TMEM74: variants seen among roughly 807,000 people sequenced by gnomAD.
TMEM74 encodes the protein transmembrane protein 74.
TMEM74 carries 13 observed loss-of-function variants against 18.1 expected under a neutral mutation model. The observed-to-expected ratio is 0.72, with a 90% CI of 0.47 to 1.14. The LOEUF (loss-of-function observed/expected upper bound fraction) is 1.14, where lower values mean the gene tolerates loss of function less well. TMEM74 is among the 50% of genes most tolerant of loss of function. TMEM74 has a pLI of 0.00. For synonymous variants in TMEM74, 159 were observed against 146.6 expected (o/e 1.08, Z -0.61); for missense variants, 372 against 375.9 (o/e 0.99, Z 0.09).
At chr8:108,683,056 TA>T (rs1363580348) in intron 1 of TMEM74, among the ~76,000 whole-genome samples, 1 of 151,566 alleles carries the variant, frequency 6.6e-6, no homozygotes, top group Non-Finnish European at 1.5e-5. Flanking sequence ...AAAATAATAA[TA>T]AAAAACAAAT....
intron 1 of TMEM74, among the ~76,000 whole-genome samples, chr8:108,693,042 A>T (rs976704610): frequency 2.6e-5 from 4 of 152,176 alleles, no homozygotes; most frequent in Non-Finnish European, 5.9e-5. Flanking sequence ...ATAATTTGAG[A>T]CTTGGATGAT....
intron 2 of TMEM74, among the ~76,000 whole-genome samples, chr8:108,650,641 G>A (rs564973629): frequency 4.1e-4 from 63 of 152,090 alleles, no homozygotes; most frequent in African/African-American, 1.3e-3. Context: ...AAATTTGCCT[G>A]GCTTTTCTTT....
chr8:108,725,161 G>A (rs1003167305), intron 1 of TMEM74, among the ~76,000 whole-genome samples: 2 of 152,066 alleles, frequency 1.3e-5, no homozygotes, highest in South Asian at 2.1e-4. Context: ...CATTTGGATC[G>A]CTCATTAAAG....
Position 108,619,765 on chromosome 8 carries a change from C to G in TMEM74, n.265-10939G>C, listed in dbSNP as rs570274334. 2.0e-5 allele frequency among the ~76,000 whole-genome samples: 3 copies of G among 152,238 alleles called. No individual in the cohort carries two copies. In the South Asian group the frequency reaches 6.2e-4, roughly 32 times the overall value. ...TGTAATTTGAAGCTACACCATTTTG[C>G]TGTTGTTCAAAACGTAAAAAAGTCA... On this transcript the variant is annotated intron_variant and non_coding_transcript_variant, in intron 2 of 3. Coordinates refer to the TMEM74 transcript ENST00000518838.
At chr8:108,747,886 C>T (rs1813865838) in intron 1 of TMEM74, among the ~76,000 whole-genome samples, 1 of 152,142 alleles carries the variant, frequency 6.6e-6, no homozygotes, top group African/African-American at 2.4e-5. Flanking sequence ...CTGCAAAGGA[C>T]ATGATCTCAT....
intron 1 of TMEM74, among the ~76,000 whole-genome samples, chr8:108,732,257 A>G (rs1467523791): frequency 2.0e-5 from 3 of 152,234 alleles, no homozygotes; most frequent in Non-Finnish European, 2.9e-5. Flanking sequence ...AGACCGAAGT[A>G]AATAGAAAGA....
chr8:108,627,504 C>G (rs1448100121), intron 2 of TMEM74, among the ~76,000 whole-genome samples: 1 of 151,968 alleles, frequency 6.6e-6, no homozygotes, highest in Non-Finnish European at 1.5e-5. Flanking sequence ...AATGAGATAA[C>G]AAATTAAAAT....
intron 1 of TMEM74, among the ~76,000 whole-genome samples, chr8:108,745,973 G>A (rs1420345740): frequency 2.6e-5 from 4 of 151,970 alleles, no homozygotes; most frequent in African/African-American, 7.3e-5. Flanking sequence ...CCTCTCACAC[G>A]CACCCCCTTA....
chr8:108,713,274 G>A (rs1304738413), intron 1 of TMEM74, among the ~76,000 whole-genome samples: 1 of 152,130 alleles, frequency 6.6e-6, no homozygotes. Flanking sequence ...AATAGACTGA[G>A]ATGATAGAAA....
intron 1 of TMEM74, among the ~76,000 whole-genome samples, chr8:108,723,294 C>T (rs1286998742): frequency 2.6e-5 from 4 of 152,168 alleles, no homozygotes; most frequent in Non-Finnish European, 5.9e-5. Context: ...TAGGTTCAGT[C>T]TGAGTTAACA....
chr8:108,648,461 C>T (rs1459607879), intron 2 of TMEM74, among the ~76,000 whole-genome samples: 1 of 152,142 alleles, frequency 6.6e-6, no homozygotes, highest in African/African-American at 2.4e-5. Flanking sequence ...TGTCCATATC[C>T]TAATCCTCAG....
intron 1 of TMEM74, among the ~76,000 whole-genome samples, chr8:108,706,823 G>A (rs1456821721): frequency 7.0e-6 from 1 of 142,864 alleles, no homozygotes; most frequent in East Asian, 2.1e-4. Flanking sequence ...GCAAGCACAT[G>A]CATGTAAAAT....
intron 1 of TMEM74, among the ~76,000 whole-genome samples, chr8:108,709,067 A>G (rs765132788): frequency 6.6e-6 from 1 of 152,206 alleles, no homozygotes; most frequent in Non-Finnish European, 1.5e-5. Flanking sequence ...GAATCCTTGT[A>G]CACTGTTCGT....
At position 108,656,860 on chromosome 8, in the gene TMEM74, A is replaced by G. The variant is rs1268409100; in HGVS notation, n.120-1423T>C. 4.6e-5 allele frequency among the ~76,000 whole-genome samples: 7 copies of G among 152,210 alleles called. No homozygotes were observed. The East Asian group carries it at 1.2e-3, about 25-fold the overall frequency. On this transcript the variant is annotated intron_variant and non_coding_transcript_variant, in intron 1 of 3. Coordinates refer to the TMEM74 transcript ENST00000518838. ...AAAATTAGATCTTGTCCAATATCAT[A>G]TGATTCTCTACTGTTCTAGGATTTT... is the stretch of plus-strand genomic sequence containing the variant.
At chr8:108,652,425 C>A (rs1455951552) in intron 2 of TMEM74, 2 of 318,200 alleles carry the variant, frequency 6.3e-6, no homozygotes, top group East Asian at 1.5e-4. Context: ...CCTGGAATAT[C>A]TGAAATATCT....
chr8:108,736,811 GAGT>G (rs1170052586), intron 1 of TMEM74, among the ~76,000 whole-genome samples: 1 of 152,116 alleles, frequency 6.6e-6, no homozygotes, highest in Non-Finnish European at 1.5e-5. Context: ...TGGGCTGTAT[GAGT>G]AGAATCTTGG....
intron 1 of TMEM74, among the ~76,000 whole-genome samples, chr8:108,686,579 A>C (rs377266157): frequency 1.1e-4 from 16 of 152,142 alleles, no homozygotes; most frequent in African/African-American, 3.9e-4. Context: ...ATTACAAGAA[A>C]ACTAGGTTTA....
At chr8:108,674,235 C>T (rs1461066328) in intron 1 of TMEM74, among the ~76,000 whole-genome samples, 1 of 151,908 alleles carries the variant, frequency 6.6e-6, no homozygotes, top group East Asian at 1.9e-4. Context: ...GTAAATATAC[C>T]CAACATTAAA....
chr8:108,752,077 A>G (rs1332766397), intron 1 of TMEM74, among the ~76,000 whole-genome samples: 1 of 151,818 alleles, frequency 6.6e-6, no homozygotes, highest in Middle Eastern at 3.2e-3. Context: ...ATGAATGACA[A>G]CCCTTACCTT....
Sources: gnomAD v4.1 joint callset for allele counts (sites outside exome capture counted in the v4.1 genomes callset) on GRCh38, gnomAD v4.1.1 for gene constraint, MANE v1.5 for transcripts, NCBI Gene and HGNC (gene_info 2026-07-23, HGNC 2026-07-21) for gene names.